The following LRP6 variants were observed in gnomAD, a reference collection of about 807,000 sequenced individuals.
The protein encoded by LRP6 is low-density lipoprotein receptor-related protein 6.
Under a neutral mutation model 184.1 loss-of-function variants are expected in LRP6, and 43 were observed. The ratio of observed to expected loss-of-function variants is 0.23; its 90% confidence interval spans 0.18 to 0.30. The LOEUF is 0.30. LRP6 is among the 10% of genes least tolerant of loss of function. LRP6 has a pLI of 1.00. For missense variants in LRP6, 1,571 were observed against 2,005.3 expected (o/e 0.78, Z 4.14); for synonymous variants, 719 against 684.9 (o/e 1.05, Z -0.78).
At chr12:12,231,657 A>C (rs534130992) in intron 2 of LRP6, among the ~76,000 whole-genome samples, 1 of 152,102 alleles carries the variant, frequency 6.6e-6, no homozygotes, top group African/African-American at 2.4e-5. Flanking sequence ...TAGTCCCAGA[A>C]GTTTTTAGAT....
chr12:12,164,581 A>G lies in LRP6; in HGVS notation c.1763-19T>C. On this transcript the variant is annotated intron_variant, in intron 8 of 22. Transcript: ENST00000261349. ...TTGGAACCTAAAAGATTAATTATAA[A>G]AGGGGCACAGAAGGACACACACATT... 1 of 1,613,258 alleles carries G rather than the reference A, an allele frequency of 6.2e-7. No individual in the cohort carries two copies.
chr12:12,165,425 C>T (rs1862854744), intron 7 of LRP6, 130 bp from the exon 8 acceptor site: 2 of 720,934 alleles, frequency 2.8e-6, no homozygotes, highest in Admixed American at 2.0e-5. Flanking sequence ...AATGCTTTCT[C>T]AAAATTACAT....
chr12:12,135,351 G>A lies in LRP6; in HGVS notation c.3608-51C>T, dbSNP rs575234626. 7.7e-5 allele frequency: 99 copies of A among 1,290,120 alleles called. No individual in the cohort carries two copies. The East Asian group carries it at 2.2e-3, about 28-fold the overall frequency. The allele number at this position is 1,290,120 out of a possible 1,614,324, so 79.9% of individuals were successfully genotyped here. Reference sequence around the variant, plus strand: ...GGAGAGGAGGGGGAGTGGAGGGGGAGAGAAGTGGGAGAGAAGAGAAAAAGG... The same window carrying A: ...GGAGAGGAGGGGGAGTGGAGGGGGAAAGAAGTGGGAGAGAAGAGAAAAAGG... On this transcript the variant is annotated intron_variant, in intron 16 of 22. Coordinates refer to ENST00000261349, the MANE Select transcript of LRP6 (RefSeq NM_002336.3).
intron 3 of LRP6, chr12:12,187,536 T>C (rs189889636): frequency 1.7e-5 from 4 of 240,202 alleles, no homozygotes; most frequent in East Asian, 9.9e-5. Flanking sequence ...GGGGTTACAG[T>C]TGGCACTGAA....
At chr12:12,228,627 C>A (rs1429188043) in intron 2 of LRP6, among the ~76,000 whole-genome samples, 3 of 152,196 alleles carry the variant, frequency 2.0e-5, no homozygotes, top group African/African-American at 4.8e-5. Context: ...AGCTCTGCCT[C>A]CTGTCACATC....
At chr12:12,131,765 A>C (rs1949761712) in intron 18 of LRP6, 56 bp downstream of exon 18, 3 of 1,477,602 alleles carry the variant, frequency 2.0e-6, no homozygotes, top group Non-Finnish European at 2.8e-6. Context: ...CTGAAGTTTA[A>C]ACAACTGAAT....
At chr12:12,249,184 G>T in intron 1 of LRP6, 1 of 738,078 alleles carries the variant, frequency 1.4e-6, no homozygotes, top group South Asian at 1.5e-5. Context: ...TGAATATACA[G>T]CCTTAAAATA....
At chr12:12,164,919 T>TATA (rs1862833689) in intron 8 of LRP6, among the ~76,000 whole-genome samples, 160 bp downstream of exon 8, 1 of 57,076 alleles carries the variant, frequency 1.8e-5, no homozygotes, top group Non-Finnish European at 3.6e-5. Flanking sequence ...CCCTTCTCAG[T>TATA]AAAAAAAAAA....
intron 7 of LRP6, among the ~76,000 whole-genome samples, chr12:12,178,010 G>A (rs751508666): frequency 6.6e-6 from 1 of 152,012 alleles, no homozygotes; most frequent in Non-Finnish European, 1.5e-5. Flanking sequence ...ACCACTGTAT[G>A]TATGTGTCTG....
At chr12:12,254,143 C>A (rs1397603461) in intron 1 of LRP6, among the ~76,000 whole-genome samples, 369 of 74,248 alleles carry the variant, frequency 5.0e-3, no homozygotes, top group South Asian at 7.5e-3. Context: ...GACTCTGTCT[C>A]AAAAAAAAAA....
chr12:12,259,986 G>A (rs10743981), intron 1 of LRP6, among the ~76,000 whole-genome samples: 122,885 of 152,196 alleles, frequency 0.81, 49,723 homozygotes, highest in East Asian at 0.83. Flanking sequence ...TTTTGCCCAT[G>A]CTTAACTCTT....
At chr12:12,249,472 G>A (rs939729319) in intron 1 of LRP6, 16 of 677,404 alleles carry the variant, frequency 2.4e-5, no homozygotes, top group South Asian at 5.1e-5. Flanking sequence ...GCAATTAATC[G>A]AAAAGAAAAA....
At chr12:12,128,014 C>T (rs1251404714) in intron 19 of LRP6, among the ~76,000 whole-genome samples, 1 of 152,132 alleles carries the variant, frequency 6.6e-6, no homozygotes, top group Non-Finnish European at 1.5e-5. Flanking sequence ...CCTAACATTC[C>T]TTTGCAATGC....
intron 2 of LRP6, among the ~76,000 whole-genome samples, chr12:12,232,236 T>C (rs956286245): frequency 6.6e-6 from 1 of 151,448 alleles, no homozygotes; most frequent in Non-Finnish European, 1.5e-5. Flanking sequence ...TACAAAAAAT[T>C]AGCCGGGCAT....
chr12:12,170,811 A>T (rs2136964230), intron 7 of LRP6, among the ~76,000 whole-genome samples: 1 of 150,696 alleles, frequency 6.6e-6, no homozygotes, highest in East Asian at 1.9e-4. Flanking sequence ...ACACACACAC[A>T]CACACACACA....
chr12:12,199,643 TTAGGG>T (rs928306465), intron 3 of LRP6, among the ~76,000 whole-genome samples: 14 of 151,864 alleles, frequency 9.2e-5, no homozygotes, highest in African/African-American at 3.4e-4. Flanking sequence ...GCCAGGTACT[TTAGGG>T]AACTGTGAAG....
At chr12:12,230,270 T>C (rs1207636129) in intron 2 of LRP6, among the ~76,000 whole-genome samples, 2 of 152,238 alleles carry the variant, frequency 1.3e-5, no homozygotes, top group African/African-American at 4.8e-5. Flanking sequence ...AAATTTACTT[T>C]ATACATTTTT....
Position 12,171,700 on chromosome 12 carries a change from T to C in LRP6, c.1546-6405A>G, listed in dbSNP as rs80197391. ...GCATCTAAACACACAGATAATGTAT[T>C]TTCCTTCACACAAAGTCCAATTTCT... On this transcript the variant is annotated intron_variant, in intron 7 of 22. Transcript: ENST00000261349. Among the ~76,000 whole-genome samples, 1,181 of 152,308 alleles carry C rather than the reference T, an allele frequency of 7.8e-3. 13 individuals are homozygous for C. The highest frequency in any genetic ancestry group is 0.027 in the African/African-American group (1,127 of 41,566).
At chr12:12,262,690 C>T (rs762834145) in intron 1 of LRP6, among the ~76,000 whole-genome samples, 5 of 151,994 alleles carry the variant, frequency 3.3e-5, no homozygotes, top group East Asian at 3.9e-4. Context: ...CATCAGTATC[C>T]GAATGGAACT....
Sources: allele counts gnomAD v4.1 joint callset (sites outside exome capture counted in the v4.1 genomes callset), GRCh38; gene constraint gnomAD v4.1.1; transcripts MANE v1.5; gene names NCBI Gene and HGNC (gene_info 2026-07-23, HGNC 2026-07-21).